ZFHX3: variants seen among roughly 807,000 people sequenced by gnomAD.
ZFHX3 encodes the protein zinc finger homeobox 3.
In ZFHX3, 42 loss-of-function variants were observed where a neutral mutation model predicts 279.1. That is an observed-to-expected ratio of 0.15 (90% CI 0.12 to 0.19). The LOEUF (loss-of-function observed/expected upper bound fraction) is 0.19. ZFHX3 is among the 10% of genes least tolerant of loss of function. The probability of loss-of-function intolerance (pLI) is 1.00; values close to 1 mark genes in which losing one functional copy is unlikely to be tolerated. For missense variants in ZFHX3, 4,981 were observed against 4,754.0 expected, an observed-to-expected ratio of 1.05 and a Z score of -1.40; for synonymous variants, 2,293 against 1,957.8, an observed-to-expected ratio of 1.17 and a Z score of -4.52.
At chr16:72,852,691 C>A (rs1266682964) in intron 4 of ZFHX3, among the ~76,000 whole-genome samples, 1 of 152,010 alleles carries the variant, frequency 6.6e-6, no homozygotes, top group African/African-American at 2.4e-5. Flanking sequence ...AAAAAGTTTC[C>A]TTTTTTTAAA....
intron 5 of ZFHX3, among the ~76,000 whole-genome samples, chr16:73,192,255 T>C (rs1029132083): frequency 6.6e-6 from 1 of 152,164 alleles, no homozygotes; most frequent in African/African-American, 2.4e-5. Flanking sequence ...CCTCTGCGTC[T>C]GTTCAGGATG....
chr16:73,131,118 G>A, intron 6 of ZFHX3: 1 of 570,652 alleles, frequency 1.8e-6, no homozygotes, highest in Non-Finnish European at 3.1e-6. Flanking sequence ...GTAATAATAG[G>A]ACTTGTTTTC....
At chr16:73,848,434 T>C (rs1269168882) in intron 1 of ZFHX3, among the ~76,000 whole-genome samples, 1 of 152,150 alleles carries the variant, frequency 6.6e-6, no homozygotes, top group East Asian at 1.9e-4. Context: ...AAAACAGTGC[T>C]TCCCACAGCC....
chr16:73,035,574 C>G (rs1012608470), intron 1 of ZFHX3, among the ~76,000 whole-genome samples: 1 of 152,170 alleles, frequency 6.6e-6, no homozygotes, highest in Non-Finnish European at 1.5e-5. Context: ...ACTTCTGGGA[C>G]CCACAGCGTG....
chr16:73,031,281 G>GT (rs1026031018), intron 1 of ZFHX3, among the ~76,000 whole-genome samples: 6 of 152,226 alleles, frequency 3.9e-5, no homozygotes, highest in South Asian at 2.1e-4. Context: ...CCTGGCGGCG[G>GT]GGGGGGAAGT....
Position 73,454,987 on chromosome 16 carries a change from C to A in ZFHX3, c.-1291+1016G>T, listed in dbSNP as rs946930749. 2.0e-5 allele frequency among the ~76,000 whole-genome samples: 3 copies of A among 151,832 alleles called. No homozygotes were observed. In the East Asian group the frequency reaches 5.8e-4, roughly 29 times the overall value. On this transcript the variant is annotated intron_variant, in intron 3 of 17. Coordinates refer to the ZFHX3 transcript ENST00000641206. Reference sequence around the variant, plus strand: ...GTTCAGACCAAATGAGAATGAAGACCTTTTATGCCAAGAACATGCTACTTA... The same window carrying A: ...GTTCAGACCAAATGAGAATGAAGACATTTTATGCCAAGAACATGCTACTTA...
At chr16:73,736,896 A>G (rs2142255584) in intron 1 of ZFHX3, among the ~76,000 whole-genome samples, 1 of 152,370 alleles carries the variant, frequency 6.6e-6, no homozygotes, top group South Asian at 2.1e-4. Context: ...GTGTGTATCA[A>G]CATATGCTTT....
At chr16:73,223,081 A>T (rs2012477286) in intron 5 of ZFHX3, among the ~76,000 whole-genome samples, 4 of 152,180 alleles carry the variant, frequency 2.6e-5, no homozygotes, top group African/African-American at 7.2e-5. Flanking sequence ...AAAATGTGTC[A>T]CAGACCTAAA....
At chr16:73,776,893 AT>A (rs1567407154) in intron 1 of ZFHX3, among the ~76,000 whole-genome samples, 1 of 151,648 alleles carries the variant, frequency 6.6e-6, no homozygotes, top group Non-Finnish European at 1.5e-5. Flanking sequence ...TGCTTGCTTT[AT>A]TTTTTTTAAG....
intron 3 of ZFHX3, among the ~76,000 whole-genome samples, chr16:73,391,933 G>A (rs1271273563): frequency 6.6e-6 from 1 of 152,152 alleles, no homozygotes; most frequent in African/African-American, 2.4e-5. Flanking sequence ...AGTCATTTGG[G>A]AAAAGAAGAG....
At chr16:73,050,179 T>C (rs138719398), upstream of ZFHX3, among the ~76,000 whole-genome samples, 775 of 152,284 alleles carry the variant, frequency 5.1e-3, 6 homozygotes, top group Non-Finnish European at 9.3e-3. Flanking sequence ...CACAGACAAA[T>C]ACCTTCAATA....
chr16:72,962,259 A>C lies in ZFHX3; in HGVS notation c.-49-2065T>G, dbSNP rs149096866. On this transcript the variant is annotated intron_variant, in intron 1 of 9. Transcript: ENST00000268489. ...CCTGGGCTGGGCCAGAGAAACCTGC[A>C]AGCGTTTACCAATTAATTGGTGGGC... Among the ~76,000 whole-genome samples, 550 of 152,358 alleles carry C rather than the reference A, an allele frequency of 3.6e-3. 5 individuals are homozygous for C. The highest frequency in any genetic ancestry group is 0.013 in the African/African-American group (534 of 41,590).
intron 3 of ZFHX3, chr16:73,389,059 C>A (rs1338032997): frequency 6.6e-6 from 1 of 152,200 alleles, no homozygotes; most frequent in Non-Finnish European, 1.5e-5. Context: ...TCCCTATGTG[C>A]AAAGACGCGC....
At chr16:73,103,206 TG>T (rs1490059477) in intron 7 of ZFHX3, among the ~76,000 whole-genome samples, 5 of 152,210 alleles carry the variant, frequency 3.3e-5, no homozygotes, top group African/African-American at 1.2e-4. Flanking sequence ...ATTACAGGCA[TG>T]ATTTCCTGCG....
At chr16:73,275,492 A>G (rs1208882594) in intron 4 of ZFHX3, among the ~76,000 whole-genome samples, 1 of 152,122 alleles carries the variant, frequency 6.6e-6, no homozygotes, top group African/African-American at 2.4e-5. Flanking sequence ...TTACATCTAG[A>G]AACTCCAATA....
intron 2 of ZFHX3, among the ~76,000 whole-genome samples, chr16:73,622,714 G>T (rs1057027513): frequency 6.6e-6 from 1 of 152,136 alleles, no homozygotes; most frequent in Admixed American, 6.5e-5. Flanking sequence ...GTGACACTCT[G>T]GTATCGCCCC....
chr16:73,681,484 G>C (rs1447843544), intron 1 of ZFHX3, among the ~76,000 whole-genome samples: 3 of 152,166 alleles, frequency 2.0e-5, no homozygotes, highest in Non-Finnish European at 4.4e-5. Context: ...ATCCAAAATG[G>C]GGAGAAAGCC....
At chr16:73,404,492 C>T (rs889231489) in intron 3 of ZFHX3, among the ~76,000 whole-genome samples, 27 of 152,170 alleles carry the variant, frequency 1.8e-4, no homozygotes, top group Admixed American at 3.3e-4. Context: ...AATTACAAGT[C>T]TAAGCAGCCG....
intron 2 of ZFHX3, among the ~76,000 whole-genome samples, chr16:73,566,331 C>A (rs2020450551): frequency 2.0e-5 from 3 of 152,206 alleles, no homozygotes. Context: ...GTATGAGTTT[C>A]CCAGAGCTGC....
Sources: gnomAD v4.1 joint callset for allele counts (sites outside exome capture counted in the v4.1 genomes callset) on GRCh38, gnomAD v4.1.1 for gene constraint, MANE v1.5 for transcripts, NCBI Gene and HGNC (gene_info 2026-07-23, HGNC 2026-07-21) for gene names.